The following NDUFS1 variants were observed in gnomAD, a reference collection of about 807,000 sequenced individuals.
NDUFS1 encodes NADH:ubiquinone oxidoreductase core subunit S1.
NDUFS1 carries 61 observed loss-of-function variants against 84.4 expected under a neutral mutation model. The ratio of observed to expected loss-of-function variants is 0.72; its 90% confidence interval spans 0.59 to 0.89. NDUFS1 has a LOEUF of 0.89. Among genes scored for constraint, NDUFS1 ranks in the 40% least tolerant of loss-of-function variants. The pLI, the probability that NDUFS1 is intolerant of heterozygous loss-of-function variation, is 0.00. For missense variants in NDUFS1, 891 were observed against 890.0 expected (o/e 1.00, Z -0.01); for synonymous variants, 275 against 290.0 (o/e 0.95, Z 0.53).
rs73067821 is a variant in NDUFS1 at position 206,137,771 on chromosome 2, A to C, written c.1392+714T>G. On this transcript the variant is annotated intron_variant, in intron 13 of 18. Transcript: ENST00000233190. ...AAGAACTCAAATGAAAAAAACATGT[A>C]CCTCAGAAACAAAAATAGAAGGACT... Among the ~76,000 whole-genome samples the C allele has an allele frequency of 6.5e-3, 992 of 152,312 alleles. 10 individuals are homozygous for C. The highest frequency in any genetic ancestry group is 0.023 in the African/African-American group (951 of 41,554).
Position 206,124,124 on chromosome 2 carries a change from A to G in NDUFS1, c.*61T>C, listed in dbSNP as rs1456332261. The G allele has an allele frequency of 9.8e-7, 1 of 1,022,714 alleles. No homozygotes were observed. The highest frequency in any genetic ancestry group is 1.3e-5 in the South Asian group (1 of 78,230). 63.4% of individuals were successfully genotyped at this position (1,022,714 alleles called of 1,614,324 possible). ...TTACAAAGAAATAAACCTGTAAAGG[A>G]TCACTGCACTACAGTTGTCCATTAA... On this transcript the variant is annotated 3_prime_UTR_variant, in exon 19 of 19. Coordinates refer to ENST00000233190, the MANE Select transcript of NDUFS1 (RefSeq NM_005006.7).
intron 16 of NDUFS1, 35 bp from the exon 17 acceptor site, chr2:206,126,879 G>C (rs1414040315): frequency 6.2e-7 from 1 of 1,612,074 alleles, no homozygotes; most frequent in Admixed American, 1.7e-5. Flanking sequence ...ACAACAAAAA[G>C]CTTTAATACT....
chr2:206,159,035 T>A (rs1344485444), intron 1 of NDUFS1: 29 of 1,520,176 alleles, frequency 1.9e-5, no homozygotes, highest in Non-Finnish European at 2.4e-5. Context: ...AACGGCCTCC[T>A]CCTCTGAGAG....
intron 13 of NDUFS1, 63 bp from the exon 14 acceptor site, chr2:206,133,168 T>C (rs776554337): frequency 7.4e-7 from 1 of 1,359,138 alleles, no homozygotes; most frequent in African/African-American, 1.5e-5. Flanking sequence ...CACCAAACCA[T>C]ATTTGCCTCT....
At chr2:206,143,343 T>C (rs1383513170) in intron 10 of NDUFS1, among the ~76,000 whole-genome samples, 1 of 152,228 alleles carries the variant, frequency 6.6e-6, no homozygotes, top group Non-Finnish European at 1.5e-5. Context: ...CCACAGCTAA[T>C]AACATCAACT....
chr2:206,154,901 C>T (rs1166940116), intron 1 of NDUFS1, among the ~76,000 whole-genome samples: 2 of 147,452 alleles, frequency 1.4e-5, no homozygotes, highest in African/African-American at 2.5e-5. Flanking sequence ...GGGGTTAAGG[C>T]GTGAGCCACC....
intron 13 of NDUFS1, 130 bp from the exon 14 acceptor site, chr2:206,133,235 C>T (rs1347838207): frequency 8.3e-6 from 6 of 719,210 alleles, no homozygotes; most frequent in Non-Finnish European, 1.4e-5. Flanking sequence ...ATTTGTTAGC[C>T]CAACATACAG....
At chr2:206,153,491 C>A in intron 2 of NDUFS1, 127 bp downstream of exon 2, 1 of 636,984 alleles carries the variant, frequency 1.6e-6, no homozygotes, top group South Asian at 1.8e-5. Flanking sequence ...CCACCACACC[C>A]GGCCGGTTTC....
chr2:206,145,428 C>A (rs1186114626), intron 8 of NDUFS1, among the ~76,000 whole-genome samples: 1 of 152,092 alleles, frequency 6.6e-6, no homozygotes, highest in Non-Finnish European at 1.5e-5. Context: ...CCCGGCACAC[C>A]CACATTTGAA....
chr2:206,151,980 C>T (rs947596411), intron 3 of NDUFS1, among the ~76,000 whole-genome samples: 9 of 152,208 alleles, frequency 5.9e-5, no homozygotes, highest in Admixed American at 5.9e-4. Context: ...ATTCTCCTGC[C>T]TCAGCCTCTC....
intron 18 of NDUFS1, 105 bp from the exon 19 acceptor site, chr2:206,124,381 C>A: frequency 1.2e-6 from 1 of 826,766 alleles, no homozygotes. Context: ...GATTATAAGG[C>A]CCTATGCAAG....
chr2:206,122,081 G>A lies in NDUFS1; in HGVS notation c.*2104C>T, dbSNP rs1426509294. ...ACACAACTTCATGATGTATCACTGA[G>A]GAGGATAAGATAAACAGTTCTAAAA... On this transcript the variant is annotated 3_prime_UTR_variant, in exon 19 of 19. Coordinates refer to ENST00000233190, the MANE Select transcript of NDUFS1 (RefSeq NM_005006.7). 1 of 152,126 alleles carries A rather than the reference G, an allele frequency of 6.6e-6. No individual in the cohort carries two copies. The highest frequency in any genetic ancestry group is 1.5e-5 in the Non-Finnish European group (1 of 68,034). 9.4% of individuals were successfully genotyped at this position (152,126 alleles called of 1,614,324 possible).
intron 3 of NDUFS1, among the ~76,000 whole-genome samples, chr2:206,151,424 TC>T (rs1397373801): frequency 8.5e-5 from 13 of 152,188 alleles, no homozygotes; most frequent in African/African-American, 3.1e-4. Flanking sequence ...CACCTGTTCA[TC>T]CTTTAACACC....
chr2:206,127,218 T>A (rs1274133604), intron 16 of NDUFS1, among the ~76,000 whole-genome samples: 1 of 152,180 alleles, frequency 6.6e-6, no homozygotes, highest in East Asian at 1.9e-4. Context: ...AAAAGACAAG[T>A]CAACAATTTT....
chr2:206,137,303 G>A (rs1691755587), intron 13 of NDUFS1, among the ~76,000 whole-genome samples: 1 of 151,948 alleles, frequency 6.6e-6, no homozygotes, highest in South Asian at 2.1e-4. Flanking sequence ...GTGAAACCCC[G>A]TCTCTACTAA....
At chr2:206,126,129 G>C (rs967030947) in intron 18 of NDUFS1, among the ~76,000 whole-genome samples, 1 of 152,100 alleles carries the variant, frequency 6.6e-6, no homozygotes, top group Non-Finnish European at 1.5e-5. Flanking sequence ...CAGTTTGTCT[G>C]CATTCCTTAA....
chr2:206,116,512 T>C lies in NDUFS1; in HGVS notation c.*7673A>G. On this transcript the variant is annotated 3_prime_UTR_variant, in exon 19 of 19. Transcript: ENST00000233190. The stretch of plus-strand genomic sequence containing the variant: ...ACTCGCAGCGCCATGTTCCCAGGGG[T>C]GCGGGGATGGCAGCGCTACGCCTCA... The C allele has an allele frequency of 8.5e-7, 1 of 1,180,758 alleles. No homozygotes were observed. Among genetic ancestry groups the C allele is most frequent in the Non-Finnish European group, 1.2e-6 (1 of 828,934 alleles). The allele number at this position is 1,180,758 out of a possible 1,614,324, so 73.1% of individuals were successfully genotyped here.
chr2:206,139,001 A>G (rs1575968617), intron 12 of NDUFS1, among the ~76,000 whole-genome samples: 1 of 152,024 alleles, frequency 6.6e-6, no homozygotes, highest in African/African-American at 2.4e-5. Flanking sequence ...CTGTAGTCCC[A>G]GCTACTTGGG....
In NDUFS1 at chr2:206,141,424, C is replaced by T. The variant is rs913156694; in HGVS notation, c.1262+517G>A. On this transcript the variant is annotated intron_variant, in intron 12 of 18. Transcript: ENST00000233190. The stretch of plus-strand genomic sequence containing the variant: ...GCGGGCGCCTGTAGTCCCAGCTACT[C>T]GGGAGGCTGAGGCAGGAGAATGGCG... 3.3e-5 allele frequency among the ~76,000 whole-genome samples: 5 copies of T among 151,544 alleles called. No individual in the cohort carries two copies. The East Asian group carries it at 7.8e-4, about 24-fold the overall frequency.
Sources: gnomAD v4.1 joint callset for allele counts (sites outside exome capture counted in the v4.1 genomes callset) on GRCh38, gnomAD v4.1.1 for gene constraint, MANE v1.5 for transcripts, NCBI Gene and HGNC (gene_info 2026-07-23, HGNC 2026-07-21) for gene names.